The following NALF1 variants were observed in gnomAD, a reference collection of about 807,000 sequenced individuals.
NALF1 encodes the protein NALCN channel auxiliary factor 1.
In NALF1, 3 loss-of-function variants were observed where a neutral mutation model predicts 48.4. The observed-to-expected ratio is 0.06, with a 90% CI of 0.03 to 0.16. NALF1 has a LOEUF of 0.16. Among genes scored for constraint, NALF1 ranks in the 10% least tolerant of loss-of-function variants. The probability of loss-of-function intolerance (pLI) is 1.00; values close to 1 mark genes in which losing one functional copy is unlikely to be tolerated. For missense variants in NALF1, 526 were observed against 571.5 expected, an observed-to-expected ratio of 0.92 and a Z score of 0.81; for synonymous variants, 262 against 245.7, an observed-to-expected ratio of 1.07 and a Z score of -0.62.
chr13:107,597,107 C>T (rs568330460), intron 1 of NALF1, among the ~76,000 whole-genome samples: 19 of 152,190 alleles, frequency 1.2e-4, no homozygotes, highest in Admixed American at 1.2e-3. Flanking sequence ...GAGGGTGTTA[C>T]GTTTCATACA....
intron 1 of NALF1, among the ~76,000 whole-genome samples, chr13:107,525,622 T>C (rs548883673): frequency 6.6e-6 from 1 of 152,248 alleles, no homozygotes; most frequent in East Asian, 1.9e-4. Context: ...TCTGTCTGGG[T>C]AAATACTTGA....
intron 1 of NALF1, among the ~76,000 whole-genome samples, chr13:107,469,309 C>T (rs1229426155): frequency 6.6e-5 from 10 of 152,144 alleles, no homozygotes; most frequent in Admixed American, 3.3e-4. Context: ...ACTTCTCATA[C>T]GTGATGCTTC....
intron 1 of NALF1, among the ~76,000 whole-genome samples, chr13:107,406,722 T>C (rs987652867): frequency 6.6e-6 from 1 of 151,838 alleles, no homozygotes; most frequent in African/African-American, 2.4e-5. Flanking sequence ...TCTATTTTGA[T>C]AGAGATTAAT....
At chr13:107,494,009 G>T (rs1233537181) in intron 1 of NALF1, among the ~76,000 whole-genome samples, 1 of 152,112 alleles carries the variant, frequency 6.6e-6, no homozygotes, top group Non-Finnish European at 1.5e-5. Flanking sequence ...CACTTTGGTT[G>T]TCTATACATA....
At chr13:107,702,138 A>G (rs1296541689) in intron 1 of NALF1, among the ~76,000 whole-genome samples, 2 of 152,206 alleles carry the variant, frequency 1.3e-5, no homozygotes, top group African/African-American at 4.8e-5. Context: ...ACCCTGTGTA[A>G]TATCGAGAGT....
At position 107,586,635 on chromosome 13, in the gene NALF1, A is replaced by ATTTTTTTTTTTTTTTTTTTTT. The variant is rs61429641; in HGVS notation, c.915+279046_915+279047insAAAAAAAAAAAAAAAAAAAAA. On this transcript the variant is annotated intron_variant, in intron 1 of 2. Transcript: ENST00000375915. ...CTACATTTAAAGCTCCCCTATGGAG[A>ATTTTTTTTTTTTTTTTTTTTT]TTTTTTTTTTTTTTGCTAGGAATGA... is the stretch of plus-strand genomic sequence containing the variant. 1.0e-3 allele frequency among the ~76,000 whole-genome samples: 95 copies of ATTTTTTTTTTTTTTTTTTTTT among 93,108 alleles called. 13 individuals are homozygous for ATTTTTTTTTTTTTTTTTTTTT. The highest frequency in any genetic ancestry group is 2.4e-3 in the African/African-American group (52 of 21,956). The allele number at this position is 93,108 out of a possible 152,430, so 61.1% of individuals were successfully genotyped here. A position where few individuals can be genotyped will look rare whatever the true frequency, so the allele number is the denominator to read the frequency against.
chr13:107,853,549 G>T (rs926546495), intron 1 of NALF1, among the ~76,000 whole-genome samples: 12 of 152,104 alleles, frequency 7.9e-5, no homozygotes. Context: ...GAACACCAAA[G>T]ATTATCCCCA....
At chr13:107,697,093 G>C (rs1056927342) in intron 1 of NALF1, among the ~76,000 whole-genome samples, 2 of 151,982 alleles carry the variant, frequency 1.3e-5, no homozygotes, top group African/African-American at 4.8e-5. Context: ...ATAATTTTGC[G>C]GAGTTTTAGA....
At chr13:107,767,028 T>G (rs1877434657) in intron 1 of NALF1, among the ~76,000 whole-genome samples, 1 of 151,936 alleles carries the variant, frequency 6.6e-6, no homozygotes, top group Admixed American at 6.6e-5. Context: ...ACCAAACGGG[T>G]AAGACAGAGT....
At chr13:107,314,219 A>T (rs1344506249) in intron 1 of NALF1, among the ~76,000 whole-genome samples, 4 of 152,052 alleles carry the variant, frequency 2.6e-5, no homozygotes, top group Admixed American at 2.0e-4. Context: ...TCGGCATCCC[A>T]TCCTAGAACT....
At position 107,398,386 on chromosome 13, in the gene NALF1, C is replaced by CAA. The variant is rs11369345; in HGVS notation, c.916-187633_916-187632dup. On this transcript the variant is annotated intron_variant, in intron 1 of 2. Coordinates refer to ENST00000375915, the MANE Select transcript of NALF1 (RefSeq NM_001080396.3). The stretch of plus-strand genomic sequence containing the variant: ...ACTAATTCACCTGTAAACAAACATC[C>CAA]AAAAAAAAAAAAAAACCCAAACAGT... 7.8e-3 allele frequency among the ~76,000 whole-genome samples: 997 copies of CAA among 128,328 alleles called. 8 individuals are homozygous for CAA. Among genetic ancestry groups the CAA allele is most frequent in the African/African-American group, 0.022 (803 of 35,700 alleles). 84.2% of individuals were successfully genotyped at this position (128,328 alleles called of 152,430 possible). A position where few individuals can be genotyped will look rare whatever the true frequency, so the allele number is the denominator to read the frequency against.
chr13:107,415,728 C>T (rs936549935), intron 1 of NALF1, among the ~76,000 whole-genome samples: 120 of 152,102 alleles, frequency 7.9e-4, no homozygotes. Context: ...AATTGGATAA[C>T]CAATTTTGAA....
At chr13:107,279,731 C>CT (rs1881351136) in intron 1 of NALF1, among the ~76,000 whole-genome samples, 1 of 152,128 alleles carries the variant, frequency 6.6e-6, no homozygotes, top group Non-Finnish European at 1.5e-5. Flanking sequence ...CTCAATCTTG[C>CT]TTTTTTGCAA....
chr13:107,756,280 G>A (rs1432796062), intron 1 of NALF1, among the ~76,000 whole-genome samples: 1 of 152,114 alleles, frequency 6.6e-6, no homozygotes, highest in Non-Finnish European at 1.5e-5. Context: ...CCTTGACTCA[G>A]TAGTTCAGAG....
intron 1 of NALF1, among the ~76,000 whole-genome samples, chr13:107,563,522 T>G (rs1877705861): frequency 6.6e-6 from 1 of 152,216 alleles, no homozygotes; most frequent in South Asian, 2.1e-4. Context: ...GCAATTGTAT[T>G]CTTTTATTTA....
intron 1 of NALF1, among the ~76,000 whole-genome samples, chr13:107,556,272 C>T (rs1302272393): frequency 7.6e-6 from 1 of 131,362 alleles, no homozygotes; most frequent in African/African-American, 3.0e-5. Flanking sequence ...TCTCTCTCAA[C>T]ATATATATAT....
At chr13:107,534,654 A>C (rs1876748360) in intron 1 of NALF1, among the ~76,000 whole-genome samples, 1 of 152,260 alleles carries the variant, frequency 6.6e-6, no homozygotes, top group South Asian at 2.1e-4. Flanking sequence ...GAATTTGTTA[A>C]AACATGCAGA....
intron 1 of NALF1, among the ~76,000 whole-genome samples, chr13:107,760,851 T>C (rs1450393289): frequency 6.6e-6 from 1 of 152,188 alleles, no homozygotes; most frequent in Non-Finnish European, 1.5e-5. Flanking sequence ...TTTGACCTAA[T>C]TTTTTGCAGT....
chr13:107,477,686 G>A lies in NALF1; in HGVS notation c.916-266931C>T, dbSNP rs1885193792. ...TTTCAGACAAGTTTCTTGATTCCAGGACTCTTTTTTTTAAAATAATTTTTA... is the reference window on the plus strand; with the variant it reads ...TTTCAGACAAGTTTCTTGATTCCAGAACTCTTTTTTTTAAAATAATTTTTA... On this transcript the variant is annotated intron_variant, in intron 1 of 2. Coordinates refer to ENST00000375915, the MANE Select transcript of NALF1 (RefSeq NM_001080396.3). 2.0e-5 allele frequency among the ~76,000 whole-genome samples: 3 copies of A among 151,848 alleles called. No individual in the cohort carries two copies. In the South Asian group the frequency reaches 6.2e-4, roughly 32 times the overall value.
Sources: allele counts gnomAD v4.1 joint callset (sites outside exome capture counted in the v4.1 genomes callset), GRCh38; gene constraint gnomAD v4.1.1; transcripts MANE v1.5; gene names NCBI Gene and HGNC (gene_info 2026-07-23, HGNC 2026-07-21).